The following SNX29 variants were observed in gnomAD, a reference collection of about 807,000 sequenced individuals.
SNX29 encodes sorting nexin-29.
Under a neutral mutation model 102.1 loss-of-function variants are expected in SNX29, and 78 were observed. The observed-to-expected ratio is 0.76, with a 90% CI of 0.64 to 0.92. The LOEUF (loss-of-function observed/expected upper bound fraction) is 0.92, where lower values mean the gene tolerates loss of function less well. SNX29 is among the 40% of genes least tolerant of loss of function. The probability of loss-of-function intolerance (pLI) is 0.00; values close to 1 mark genes in which losing one functional copy is unlikely to be tolerated. For synonymous variants in SNX29, 580 were observed against 414.5 expected, an observed-to-expected ratio of 1.40 and a Z score of -4.85; for missense variants, 1,280 against 1,061.7, an observed-to-expected ratio of 1.21 and a Z score of -2.86.
intron 14 of SNX29, among the ~76,000 whole-genome samples, chr16:12,240,944 T>A (rs1215576663): frequency 6.6e-6 from 1 of 152,176 alleles, no homozygotes; most frequent in African/African-American, 2.4e-5. Flanking sequence ...TTCTTTTACT[T>A]TTTCTGCATA....
intron 15 of SNX29, among the ~76,000 whole-genome samples, chr16:12,333,305 C>T (rs2081350845): frequency 6.6e-6 from 1 of 151,850 alleles, no homozygotes; most frequent in Non-Finnish European, 1.5e-5. Context: ...TGGGATTTCA[C>T]CATATTGGTC....
chr16:12,043,882 A>C (rs568938543), intron 5 of SNX29, among the ~76,000 whole-genome samples: 1 of 152,178 alleles, frequency 6.6e-6, no homozygotes, highest in East Asian at 1.9e-4. Context: ...CCTCCTGAGT[A>C]GCTGGGATTA....
intron 14 of SNX29, among the ~76,000 whole-genome samples, chr16:12,272,804 C>T (rs892809535): frequency 1.4e-4 from 21 of 152,144 alleles, no homozygotes; most frequent in Non-Finnish European, 3.1e-4. Context: ...TGGGTTGTTG[C>T]CTCCATATCT....
At chr16:12,545,484 G>T (rs1157871972) in intron 20 of SNX29, 1 of 152,258 alleles carries the variant, frequency 6.6e-6, no homozygotes, top group Non-Finnish European at 1.5e-5. Context: ...CTCTCCTCCT[G>T]CAACTGTGGC....
intron 13 of SNX29, among the ~76,000 whole-genome samples, chr16:12,161,201 C>T (rs1206265049): frequency 1.3e-5 from 2 of 152,218 alleles, no homozygotes; most frequent in African/African-American, 4.8e-5. Context: ...TGTTGACCAC[C>T]TTTCTGACCT....
At chr16:12,141,169 C>A (rs1452357606) in intron 13 of SNX29, among the ~76,000 whole-genome samples, 1 of 152,166 alleles carries the variant, frequency 6.6e-6, no homozygotes. Flanking sequence ...GTAAAGTAAA[C>A]CTGGCATAGT....
rs1464136306 is a variant in SNX29 at position 12,362,551 on chromosome 16, A to ACCACCC, written c.1899+6273_1899+6274insCACCCC. On this transcript the variant is annotated intron_variant, in intron 16 of 20. Coordinates refer to ENST00000566228, the MANE Select transcript of SNX29 (RefSeq NM_032167.5). ...GTTGCAGAAGGATTTTGGCTGCTGCACTCCCCCCCCACCCCCCCCCCCACC... is the reference window on the plus strand; with the variant it reads ...GTTGCAGAAGGATTTTGGCTGCTGCACCACCCCTCCCCCCCCACCCCCCCCCCCACC... Among the ~76,000 whole-genome samples, 48 of 23,524 alleles carry ACCACCC rather than the reference A, an allele frequency of 2.0e-3. 2 individuals carry two copies. Among genetic ancestry groups the ACCACCC allele is most frequent in the African/African-American group, 4.2e-3 (30 of 7,172 alleles). The allele number at this position is 23,524 out of a possible 152,430, so 15.4% of individuals were successfully genotyped here.
At chr16:12,237,492 C>T (rs192869374) in intron 14 of SNX29, among the ~76,000 whole-genome samples, 6 of 152,192 alleles carry the variant, frequency 3.9e-5, no homozygotes, top group Admixed American at 6.5e-5. Flanking sequence ...GGGGCCTGGC[C>T]GGGTGCAGTG....
chr16:12,147,731 G>T (rs1258842398), intron 13 of SNX29, among the ~76,000 whole-genome samples: 2 of 152,202 alleles, frequency 1.3e-5, no homozygotes, highest in African/African-American at 2.4e-5. Context: ...ATTATTCGTA[G>T]AAATAATTTT....
At chr16:12,547,272 G>A (rs1184731234) in intron 20 of SNX29, among the ~76,000 whole-genome samples, 2 of 152,220 alleles carry the variant, frequency 1.3e-5, no homozygotes, top group African/African-American at 4.8e-5. Flanking sequence ...CAGCCTTGAA[G>A]AGTTGGCCCC....
At chr16:12,553,374 G>A (rs899591707) in intron 20 of SNX29, among the ~76,000 whole-genome samples, 1 of 152,208 alleles carries the variant, frequency 6.6e-6, no homozygotes, top group Non-Finnish European at 1.5e-5. Context: ...TGCCAGACAT[G>A]CTCTCAAGTT....
At chr16:12,274,648 C>T (rs765422113) in intron 14 of SNX29, among the ~76,000 whole-genome samples, 2 of 151,904 alleles carry the variant, frequency 1.3e-5, no homozygotes, top group Admixed American at 6.6e-5. Context: ...GCGATCCTTC[C>T]ACCTCAGCCT....
intron 16 of SNX29, among the ~76,000 whole-genome samples, chr16:12,368,190 G>A (rs558687909): frequency 6.6e-6 from 1 of 152,210 alleles, no homozygotes; most frequent in Non-Finnish European, 1.5e-5. Flanking sequence ...ACCCATGAGG[G>A]GCTGGACTCT....
At chr16:12,539,135 C>T (rs1026330902) in intron 20 of SNX29, among the ~76,000 whole-genome samples, 1 of 152,154 alleles carries the variant, frequency 6.6e-6, no homozygotes, top group Non-Finnish European at 1.5e-5. Flanking sequence ...TTTTAATTTA[C>T]ACAGTGCAAT....
intron 13 of SNX29, among the ~76,000 whole-genome samples, chr16:12,178,680 T>G (rs2076315824): frequency 1.3e-5 from 2 of 152,244 alleles, no homozygotes; most frequent in African/African-American, 4.8e-5. Flanking sequence ...TCTGTTATCG[T>G]GCATACGCAA....
intron 14 of SNX29, among the ~76,000 whole-genome samples, chr16:12,201,622 A>G (rs2141978760): frequency 6.6e-6 from 1 of 152,334 alleles, no homozygotes; most frequent in South Asian, 2.1e-4. Flanking sequence ...AGCCCATTAA[A>G]TATACCTCTT....
intron 16 of SNX29, among the ~76,000 whole-genome samples, chr16:12,357,979 A>G (rs983551352): frequency 6.6e-6 from 1 of 152,090 alleles, no homozygotes; most frequent in African/African-American, 2.4e-5. Flanking sequence ...TGATTATATG[A>G]CTGTGTCGTT....
chr16:12,285,544 G>A (rs140728563), intron 15 of SNX29, among the ~76,000 whole-genome samples: 6 of 152,188 alleles, frequency 3.9e-5, no homozygotes, highest in Admixed American at 1.3e-4. Flanking sequence ...CATCAAGCTG[G>A]TAAAAAATAC....
At chr16:12,193,476 A>AAAAAC in intron 13 of SNX29, among the ~76,000 whole-genome samples, 1 of 151,946 alleles carries the variant, frequency 6.6e-6, no homozygotes, top group Middle Eastern at 3.4e-3. Context: ...TCTTCAAAAA[A>AAAAAC]AAAAAAGAAA....
Sources: gnomAD v4.1 joint callset for allele counts (sites outside exome capture counted in the v4.1 genomes callset) on GRCh38, gnomAD v4.1.1 for gene constraint, MANE v1.5 for transcripts, NCBI Gene and HGNC (gene_info 2026-07-23, HGNC 2026-07-21) for gene names.